OR2A14: variants seen among roughly 807,000 people sequenced by gnomAD.
The protein encoded by OR2A14 is olfactory receptor family 2 subfamily A member 14, also known as olfactory receptor 2A14.
In OR2A14, 2 loss-of-function variants were observed where a neutral mutation model predicts 2.4. That is an observed-to-expected ratio of 0.85 (90% confidence interval 0.35 to 2.67). The LOEUF (loss-of-function observed/expected upper bound fraction) is 2.67. Among genes scored for constraint, OR2A14 ranks in the 30% most tolerant of loss-of-function variants. The pLI is 0.10. For missense variants in OR2A14, 390 were observed against 379.4 expected (o/e 1.03, Z -0.23); for synonymous variants, 160 against 156.3 (o/e 1.02, Z -0.18).
intron 1 of OR2A14, among the ~76,000 whole-genome samples, chr7:144,123,852 C>CT (rs35480224): frequency 4.4e-4 from 66 of 149,424 alleles, no homozygotes; most frequent in African/African-American, 1.1e-3. Flanking sequence ...TACAGGTTCT[C>CT]TTTTTTTTTT....
Position 144,129,007 on chromosome 7 carries a change from T to C in OR2A14, c.-34-72T>C, listed in dbSNP as rs943894071. 3.1e-6 allele frequency: 3 copies of C among 957,590 alleles called. No individual in the cohort carries two copies. In the Admixed American group the frequency reaches 8.5e-5, roughly 27 times the overall value. The allele number at this position is 957,590 out of a possible 1,614,324, so 59.3% of individuals were successfully genotyped here. A position where few individuals can be genotyped will look rare whatever the true frequency, so the allele number is the denominator to read the frequency against. On this transcript the variant is annotated intron_variant, in intron 1 of 1. Transcript: ENST00000641068. ...TTAGTTTTGGCAACATATCTGAGAA[T>C]AAATTCTAGAAAATTCATTCAAAGT...
In OR2A14 at chr7:144,129,211, C is replaced by A. The variant is rs772451472; in HGVS notation, c.99C>A (p.Phe33Leu). The change falls in exon 2 of 2, where the codon TTC (phenylalanine) becomes TTA (leucine). Residue 33 changes from phenylalanine (F) to leucine (L), a missense_variant. Phe to Leu is a conservative substitution (Grantham distance 22). Coordinates refer to ENST00000641068, the MANE Select transcript of OR2A14 (RefSeq NM_001001659.3). The stretch of plus-strand genomic sequence containing the variant: ...TCCTCTGTGGACTTTTCTCTGCCTT[C>A]TATACACTCACCCTGCTGGGGAATG... ...EILLCGLFSA[F>L]YTLTLLGNGV... 3 of 1,613,552 alleles carry A rather than the reference C, an allele frequency of 1.9e-6. No individual in the cohort carries two copies. Among genetic ancestry groups the A allele is most frequent in the Admixed American group, 3.3e-5 (2 of 60,004 alleles).
rs1241104129 is a variant in OR2A14 at position 144,130,143 on chromosome 7, T to G, written c.*98T>G. ...TCTTCTGCTAGAATAAATGCTACCT[T>G]AAACTGGAATACTATAGACCTATAC... On this transcript the variant is annotated 3_prime_UTR_variant, in exon 2 of 2. Transcript: ENST00000641068. The G allele has an allele frequency of 1.5e-5, 13 of 895,458 alleles. No homozygotes were observed. The Admixed American group carries it at 3.1e-4, about 21-fold the overall frequency. 55.5% of individuals were successfully genotyped at this position (895,458 alleles called of 1,614,324 possible). A position where few individuals can be genotyped will look rare whatever the true frequency, so the allele number is the denominator to read the frequency against.
At chr7:144,124,907 C>G (rs2051471412) in intron 1 of OR2A14, among the ~76,000 whole-genome samples, 1 of 152,068 alleles carries the variant, frequency 6.6e-6, no homozygotes, top group Non-Finnish European at 1.5e-5. Context: ...TATATTTAAA[C>G]TCAAAAACAG....
At chr7:144,124,137 C>T (rs1160111384) in intron 1 of OR2A14, among the ~76,000 whole-genome samples, 1 of 152,118 alleles carries the variant, frequency 6.6e-6, no homozygotes, top group Non-Finnish European at 1.5e-5. Flanking sequence ...GGCTGCAGGG[C>T]TCAGGAATCC....
intron 1 of OR2A14, among the ~76,000 whole-genome samples, chr7:144,128,505 G>A (rs4282488): frequency 0.49 from 73,908 of 151,624 alleles, 18,964 homozygotes; most frequent in East Asian, 0.74. Context: ...GAAAAGGAGC[G>A]TCTTATCTCA....
Position 144,129,167 on chromosome 7 carries a change from G to C in OR2A14, c.55G>C (p.Gly19Arg). Residue 19 changes from glycine to arginine, a missense_variant, in exon 2 of 2, where the codon GGT becomes CGT. Coordinates refer to ENST00000641068, the MANE Select transcript of OR2A14 (RefSeq NM_001001659.3). ...TDITLPRFQV[G>R]PALEILLCGL... Reference sequence around the variant, plus strand: ...CATCACCTTGCCGCGATTCCAGGTTGGTCCAGCACTGGAGATTCTCCTCTG... The same window carrying C: ...CATCACCTTGCCGCGATTCCAGGTTCGTCCAGCACTGGAGATTCTCCTCTG... 1 of 1,612,576 alleles carries C rather than the reference G, an allele frequency of 6.2e-7. No homozygotes were observed. The highest frequency in any genetic ancestry group is 8.5e-7 in the Non-Finnish European group (1 of 1,180,020).
chr7:144,129,613 C>G lies in OR2A14; in HGVS notation c.501C>G (p.Phe167Leu), dbSNP rs754212669. The change falls in exon 2 of 2, where the codon TTC becomes TTG. Residue 167 changes from phenylalanine (F) to leucine (L), a missense_variant. Coordinates refer to ENST00000641068, the MANE Select transcript of OR2A14 (RefSeq NM_001001659.3). The part of the protein sequence containing the change: ...VPLVLILSLP[F>L]CGPHEINHFF... The stretch of plus-strand genomic sequence containing the variant: ...TAGTTCTCATCCTGAGCCTGCCCTT[C>G]TGCGGGCCTCATGAAATCAACCACT... 1 of 1,599,194 alleles carries G rather than the reference C, an allele frequency of 6.3e-7. No individual in the cohort carries two copies. Among genetic ancestry groups the G allele is most frequent in the South Asian group, 1.1e-5 (1 of 90,292 alleles).
In OR2A14 at chr7:144,130,728, A is replaced by G. The variant is rs2051525971; in HGVS notation, c.*683A>G. 1 of 152,266 alleles carries G rather than the reference A, an allele frequency of 6.6e-6. No homozygotes were observed. Among genetic ancestry groups the G allele is most frequent in the Admixed American group, 6.5e-5 (1 of 15,284 alleles). The allele number at this position is 152,266 out of a possible 1,614,324, so 9.4% of individuals were successfully genotyped here. A position where few individuals can be genotyped will look rare whatever the true frequency, so the allele number is the denominator to read the frequency against. ...TTTGTGCCAATAGTAGCCAAGTCAC[A>G]TTGAGTTAACAGGAGCATAGTACAC... On this transcript the variant is annotated 3_prime_UTR_variant, in exon 2 of 2. Coordinates refer to ENST00000641068, the MANE Select transcript of OR2A14 (RefSeq NM_001001659.3).
Position 144,129,106 on chromosome 7 carries a change from C to T in OR2A14, c.-7C>T. On this transcript the variant is annotated 5_prime_UTR_variant, in exon 2 of 2. Transcript: ENST00000641068. ...CTGACCTTCCTGTCCTAGATGTCCA[C>T]AAGAGCATGGAAGGCAACAAGACAT... 1.2e-6 allele frequency: 2 copies of T among 1,608,718 alleles called. No individual in the cohort carries two copies. The highest frequency in any genetic ancestry group is 1.7e-4 in the Middle Eastern group (1 of 6,034).
chr7:144,128,875 T>C (rs2051503594), intron 1 of OR2A14, among the ~76,000 whole-genome samples: 1 of 152,242 alleles, frequency 6.6e-6, no homozygotes, highest in Non-Finnish European at 1.5e-5. Context: ...AAATGTTATA[T>C]ACATGTACAC....
rs773746634 is a variant in OR2A14 at position 144,129,147 on chromosome 7, C to A, written c.35C>A (p.Thr12Asn). ...EGNKTWITDI[T>N]LPRFQVGPAL... ...AACAAGACATGGATCACAGACATCACCTTGCCGCGATTCCAGGTTGGTCCA... is the reference window on the plus strand; with the variant it reads ...AACAAGACATGGATCACAGACATCAACTTGCCGCGATTCCAGGTTGGTCCA... The change falls in exon 2 of 2, where the codon ACC (threonine) becomes AAC (asparagine). Residue 12 changes from threonine to asparagine, a missense_variant. Thr to Asn is a moderately conservative substitution (Grantham distance 65). Transcript: ENST00000641068. 1.2e-6 allele frequency: 2 copies of A among 1,612,046 alleles called. No homozygotes were observed. The highest frequency in any genetic ancestry group is 2.7e-5 in the African/African-American group (2 of 73,236).
At position 144,130,232 on chromosome 7, in the gene OR2A14, G is replaced by T. The variant is rs527808243; in HGVS notation, c.*187G>T. The T allele has an allele frequency of 4.5e-5, 21 of 469,184 alleles. No homozygotes were observed. Among genetic ancestry groups the T allele is most frequent in the African/African-American group, 3.7e-4 (19 of 51,342 alleles). The allele number at this position is 469,184 out of a possible 1,614,324, so 29.1% of individuals were successfully genotyped here. A position where few individuals can be genotyped will look rare whatever the true frequency, so the allele number is the denominator to read the frequency against. On this transcript the variant is annotated 3_prime_UTR_variant, in exon 2 of 2. Transcript: ENST00000641068. ...TAAATGCATTTATAATACTGGATAG[G>T]CATAAATTCATAAAGAAGACACAAA...
In OR2A14 at chr7:144,130,105, C is replaced by CTT; in HGVS notation, c.*70_*71dup. 1.9e-5 allele frequency: 21 copies of CTT among 1,096,624 alleles called. No homozygotes were observed. Among genetic ancestry groups the CTT allele is most frequent in the South Asian group, 4.9e-5 (3 of 60,798 alleles). 67.9% of individuals were successfully genotyped at this position (1,096,624 alleles called of 1,614,324 possible). On this transcript the variant is annotated 3_prime_UTR_variant, in exon 2 of 2. Transcript: ENST00000641068. ...GCTCCCTGCAAAATATAGAAGTTGG[C>CTT]TTTTTTTTTTTGTCTTCTGCTAGAA...
At chr7:144,124,160 T>C (rs1001117859) in intron 1 of OR2A14, among the ~76,000 whole-genome samples, 1 of 152,124 alleles carries the variant, frequency 6.6e-6, no homozygotes, top group African/African-American at 2.4e-5. Flanking sequence ...GCTTGTTCAT[T>C]TGTTTTTAAC....
Position 144,129,418 on chromosome 7 carries a change from G to T in OR2A14, c.306G>T (p.Leu102Phe). 6.2e-7 allele frequency: 1 copy of T among 1,614,142 alleles called. No homozygotes were observed. Among genetic ancestry groups the T allele is most frequent in the Non-Finnish European group, 8.5e-7 (1 of 1,180,008 alleles). The stretch of plus-strand genomic sequence containing the variant: ...TTCCATGCATAATGCAGACATTCTT[G>T]TATTTGGCTTTTGCTCACGTAGAGT... ...SFFPCIMQTF[L>F]YLAFAHVECL... Residue 102 changes from leucine to phenylalanine, a missense_variant, in exon 2 of 2, where the codon TTG (leucine) becomes TTT (phenylalanine). Transcript: ENST00000641068.
In OR2A14 at chr7:144,129,779, G is replaced by T; in HGVS notation, c.667G>T (p.Ala223Ser). 2.5e-6 allele frequency: 4 copies of T among 1,613,978 alleles called. No individual in the cohort carries two copies. The highest frequency in any genetic ancestry group is 2.2e-5 in the South Asian group (2 of 91,068). The change falls in exon 2 of 2, where the codon GCC (alanine) becomes TCC (serine). Residue 223 changes from alanine (A) to serine (S), a missense_variant. By Grantham distance (99) the Ala-to-Ser change is moderately conservative. Coordinates refer to ENST00000641068, the MANE Select transcript of OR2A14 (RefSeq NM_001001659.3). The stretch of plus-strand genomic sequence containing the variant: ...GGTCTCCTACTTGCGCATCCTGGCC[G>T]CCATCTTGAGGATCCAGTCTGGGGA... ...VLVSYLRILA[A>S]ILRIQSGEGR...
At chr7:144,124,760 A>G (rs988260737) in intron 1 of OR2A14, among the ~76,000 whole-genome samples, 2 of 152,226 alleles carry the variant, frequency 1.3e-5, no homozygotes, top group Admixed American at 6.5e-5. Context: ...TTACTATTAC[A>G]GCCTGTATTT....
intron 1 of OR2A14, among the ~76,000 whole-genome samples, chr7:144,127,208 T>C (rs1339417292): frequency 6.6e-6 from 1 of 152,214 alleles, no homozygotes; most frequent in Non-Finnish European, 1.5e-5. Flanking sequence ...GATCATGCAC[T>C]CAAGGATCAT....
Sources: allele counts gnomAD v4.1 joint callset (sites outside exome capture counted in the v4.1 genomes callset), GRCh38; gene constraint gnomAD v4.1.1; transcripts MANE v1.5; gene names NCBI Gene and HGNC (gene_info 2026-07-23, HGNC 2026-07-21).